The following CHL1 variants were observed in gnomAD, a reference collection of about 807,000 sequenced individuals.
CHL1 encodes cell adhesion molecule L1 like.
CHL1 carries 96 observed loss-of-function variants against 141.9 expected under a neutral mutation model. The observed-to-expected ratio is 0.68, with a 90% confidence interval of 0.57 to 0.80. The LOEUF (loss-of-function observed/expected upper bound fraction) is 0.80. CHL1 is among the 30% of genes least tolerant of loss of function. The pLI is 0.00. For missense variants in CHL1, 1,820 were observed against 1,457.2 expected, an observed-to-expected ratio of 1.25 and a Z score of -4.05; for synonymous variants, 613 against 502.2, an observed-to-expected ratio of 1.22 and a Z score of -2.95.
intron 2 of CHL1, among the ~76,000 whole-genome samples, chr3:262,750 A>G (rs529127488): frequency 1.2e-4 from 18 of 152,346 alleles, no homozygotes; most frequent in Admixed American, 1.3e-4. Flanking sequence ...TAGTCTTGTC[A>G]GACTTTCTAA....
rs1425281905 is a variant in CHL1 at position 388,859 on chromosome 3, TG to T, written c.2248-391del. Among the ~76,000 whole-genome samples the T allele has an allele frequency of 2.6e-5, 4 of 152,332 alleles. No individual in the cohort carries two copies. The South Asian group carries it at 8.3e-4, about 32-fold the overall frequency. Reference sequence around the variant, plus strand: ...ATCCCATTCACAACCAAAGAATTCGTGGCCATATTATTTTTTATTTCAGCCT... The same window carrying T: ...ATCCCATTCACAACCAAAGAATTCGTGCCATATTATTTTTTATTTCAGCCT... On this transcript the variant is annotated intron_variant, in intron 19 of 27. Coordinates refer to ENST00000256509, the MANE Select transcript of CHL1 (RefSeq NM_006614.4).
chr3:405,568 G>A lies in CHL1; in HGVS notation c.3532G>A (p.Asp1178Asn). Residue 1178 changes from aspartate (D) to asparagine (N), a missense_variant, in exon 28 of 28, where the codon GAC becomes AAC. By Grantham distance (23) the Asp-to-Asn change is conservative. Transcript: ENST00000256509. ...GGATATGCAGCCTACTGAAAGTGCT[G>A]ACAGCTTAGTCGAATACGGAGAGGG... ...NRDMQPTESA[D>N]SLVEYGEGDH... is the part of the protein sequence containing the mutation. 1 of 1,613,502 alleles carries A rather than the reference G, an allele frequency of 6.2e-7. No homozygotes were observed. The highest frequency in any genetic ancestry group is 8.5e-7 in the Non-Finnish European group (1 of 1,179,576).
chr3:371,562 T>C (rs1705638636), intron 15 of CHL1, among the ~76,000 whole-genome samples: 1 of 152,220 alleles, frequency 6.6e-6, no homozygotes, highest in African/African-American at 2.4e-5. Context: ...CTTATCTGAT[T>C]TGCCAGTCTG....
chr3:406,814 C>A lies in CHL1; in HGVS notation c.*1103C>A, dbSNP rs1252979413. The A allele has an allele frequency of 6.6e-6, 1 of 151,982 alleles. No homozygotes were observed. The highest frequency in any genetic ancestry group is 1.5e-5 in the Non-Finnish European group (1 of 67,964). The allele number at this position is 151,982 out of a possible 1,614,324, so 9.4% of individuals were successfully genotyped here. The stretch of plus-strand genomic sequence containing the variant: ...TTGGGTTTTGTTCTTGTATTGCTTT[C>A]TTTCAACAGTTTCAAAATAAAATAT... On this transcript the variant is annotated 3_prime_UTR_variant, in exon 28 of 28. Transcript: ENST00000256509.
intron 2 of CHL1, among the ~76,000 whole-genome samples, chr3:300,174 T>C (rs1331733362): frequency 6.6e-6 from 1 of 152,200 alleles, no homozygotes; most frequent in Admixed American, 6.5e-5. Context: ...CTAAAACTAA[T>C]AAGACTTGCT....
At position 306,324 on chromosome 3, in the gene CHL1, G is replaced by A. The variant is rs369103469; in HGVS notation, c.-94-13359G>A. Among the ~76,000 whole-genome samples, 15 of 152,200 alleles carry A rather than the reference G, an allele frequency of 9.9e-5. No individual in the cohort carries two copies. The South Asian group carries it at 1.9e-3, about 19-fold the overall frequency. ...CTTATGGCTTGAATAGAATACGTTTGCTTTTAATGATTTGTACAGTGAGAA... is the reference window on the plus strand; with the variant it reads ...CTTATGGCTTGAATAGAATACGTTTACTTTTAATGATTTGTACAGTGAGAA... On this transcript the variant is annotated intron_variant, in intron 2 of 27. Transcript: ENST00000256509.
intron 1 of CHL1, among the ~76,000 whole-genome samples, chr3:212,490 G>A (rs1386584032): frequency 1.3e-5 from 2 of 152,052 alleles, no homozygotes; most frequent in Admixed American, 1.3e-4. Context: ...CTAGACACCT[G>A]CAACCTTTCC....
At position 326,065 on chromosome 3, in the gene CHL1, G is replaced by A; in HGVS notation, c.197+1G>A. ...AAGCTAAAGGAAATCCAGAACCAAC[G>A]TGAGTATTGTTTCAAACGAAGTGGT... On this transcript the variant is annotated splice_donor_variant, in intron 4 of 27. Transcript: ENST00000256509. LOFTEE classifies it high-confidence loss of function. The A allele has an allele frequency of 6.3e-7, 1 of 1,589,462 alleles. No individual in the cohort carries two copies. Among genetic ancestry groups the A allele is most frequent in the Non-Finnish European group, 8.6e-7 (1 of 1,158,972 alleles).
At chr3:235,345 T>C (rs1206148374) in intron 1 of CHL1, among the ~76,000 whole-genome samples, 1 of 152,106 alleles carries the variant, frequency 6.6e-6, no homozygotes, top group East Asian at 1.9e-4. Flanking sequence ...CATGCCTTAG[T>C]TTGGTCATTG....
At position 393,049 on chromosome 3, in the gene CHL1, C is replaced by T. The variant is rs142191294; in HGVS notation, c.2914+1252C>T. On this transcript the variant is annotated intron_variant, in intron 23 of 27. Coordinates refer to ENST00000256509, the MANE Select transcript of CHL1 (RefSeq NM_006614.4). ...GAGATCGAGACCATCCTGGCTAACA[C>T]GGTGAAACCCCGTCTCTATTAAAAA... Among the ~76,000 whole-genome samples the T allele has an allele frequency of 8.0e-3, 1,212 of 151,998 alleles. 8 individuals are homozygous for T. The highest frequency in any genetic ancestry group is 0.031 in the Middle Eastern group (9 of 294).
At chr3:358,630 A>G (rs915004173) in intron 11 of CHL1, among the ~76,000 whole-genome samples, 3 of 152,100 alleles carry the variant, frequency 2.0e-5, no homozygotes, top group Non-Finnish European at 4.4e-5. Flanking sequence ...TTTCTCTGGT[A>G]GCTGCTCTTT....
intron 22 of CHL1, 90 bp from the exon 23 acceptor site, chr3:391,585 T>A (rs1708230693): frequency 2.4e-6 from 2 of 836,318 alleles, no homozygotes; most frequent in Non-Finnish European, 3.8e-6. Flanking sequence ...ATGAGTTTGC[T>A]TGTCAATTTC....
intron 1 of CHL1, among the ~76,000 whole-genome samples, chr3:209,113 C>A (rs1032524011): frequency 1.3e-5 from 2 of 152,206 alleles, no homozygotes; most frequent in Non-Finnish European, 1.5e-5. Flanking sequence ...CAAAAGAAGC[C>A]TCAAAGCAAC....
intron 2 of CHL1, among the ~76,000 whole-genome samples, chr3:274,705 C>A (rs915280140): frequency 6.6e-6 from 1 of 152,162 alleles, no homozygotes; most frequent in Non-Finnish European, 1.5e-5. Context: ...TTTTCAGGAG[C>A]ATCTAAGTCA....
chr3:310,299 C>T (rs905873789), intron 2 of CHL1, among the ~76,000 whole-genome samples: 8 of 151,724 alleles, frequency 5.3e-5, no homozygotes, highest in African/African-American at 9.7e-5. Flanking sequence ...CATGTGGTGG[C>T]GGATGCCTAT....
chr3:341,799 A>C, intron 6 of CHL1, 113 bp from the exon 7 acceptor site: 1 of 911,240 alleles, frequency 1.1e-6, no homozygotes, highest in Non-Finnish European at 1.6e-6. Flanking sequence ...AGAGGAATTA[A>C]AGAGCAAACA....
At chr3:243,345 T>C (rs1559327418) in intron 1 of CHL1, among the ~76,000 whole-genome samples, 1 of 152,114 alleles carries the variant, frequency 6.6e-6, no homozygotes, top group Admixed American at 6.5e-5. Context: ...AACACAATTA[T>C]ATTAAAACAA....
chr3:376,876 A>G (rs1052029536), intron 15 of CHL1, among the ~76,000 whole-genome samples: 15 of 152,286 alleles, frequency 9.8e-5, no homozygotes, highest in African/African-American at 3.4e-4. Context: ...TTATTGGTGT[A>G]GGAATAAGGG....
chr3:269,263 G>A (rs13089564), intron 2 of CHL1, among the ~76,000 whole-genome samples: 10,800 of 152,186 alleles, frequency 0.071, 448 homozygotes, highest in Non-Finnish European at 0.089. Context: ...CTTCTATAGC[G>A]CTTTTCTCAT....
Sources: allele counts gnomAD v4.1 joint callset (sites outside exome capture counted in the v4.1 genomes callset), GRCh38; gene constraint gnomAD v4.1.1; transcripts MANE v1.5; gene names NCBI Gene and HGNC (gene_info 2026-07-23, HGNC 2026-07-21).